Variants in GSAP observed in about 807,000 individuals in gnomAD.
GSAP encodes the protein gamma-secretase activating protein.
A neutral mutation model predicts 131.7 loss-of-function variants in GSAP; 118 were observed. The ratio of observed to expected loss-of-function variants is 0.90; its 90% CI spans 0.77 to 1.04. The LOEUF (loss-of-function observed/expected upper bound fraction) is 1.04, where lower values mean the gene tolerates loss of function less well. GSAP is among the 50% of genes least tolerant of loss of function. GSAP has a pLI of 0.00. For missense variants in GSAP, 1,019 were observed against 1,013.2 expected, an observed-to-expected ratio of 1.01 and a Z score of -0.08; for synonymous variants, 381 against 363.4, an observed-to-expected ratio of 1.05 and a Z score of -0.55.
chr7:77,356,824 G>A (rs1753926427), intron 14 of GSAP, among the ~76,000 whole-genome samples: 1 of 152,192 alleles, frequency 6.6e-6, no homozygotes, highest in Non-Finnish European at 1.5e-5. Flanking sequence ...AAGAAGTGAA[G>A]GAACACATGC....
intron 22 of GSAP, 68 bp downstream of exon 22, chr7:77,328,537 AG>A: frequency 6.4e-7 from 1 of 1,573,910 alleles, no homozygotes; most frequent in Non-Finnish European, 8.6e-7. Flanking sequence ...CCACAGTGGT[AG>A]GAAGAACAGT....
chr7:77,394,089 C>T (rs1353066897), intron 5 of GSAP, among the ~76,000 whole-genome samples: 1 of 152,196 alleles, frequency 6.6e-6, no homozygotes, highest in East Asian at 1.9e-4. Flanking sequence ...CCTTGCCCTG[C>T]CGCAGTCCAT....
intron 5 of GSAP, among the ~76,000 whole-genome samples, chr7:77,388,162 A>G (rs891567714): frequency 1.3e-5 from 2 of 152,248 alleles, no homozygotes; most frequent in Admixed American, 6.5e-5. Context: ...AAAGATCTCA[A>G]GGGAGAAATC....
At chr7:77,347,855 C>G (rs920711739) in intron 19 of GSAP, among the ~76,000 whole-genome samples, 2 of 151,742 alleles carry the variant, frequency 1.3e-5, no homozygotes, top group African/African-American at 2.4e-5. Context: ...GGTTTGTTGT[C>G]CATTAAAAAA....
intron 14 of GSAP, among the ~76,000 whole-genome samples, chr7:77,360,298 C>T (rs1481786946): frequency 1.3e-5 from 2 of 152,106 alleles, no homozygotes; most frequent in Non-Finnish European, 2.9e-5. Context: ...TACAACAAAC[C>T]CTTTCTTTAT....
chr7:77,311,798 A>C (rs1433766504), intron 30 of GSAP, 43 bp downstream of exon 30: 1 of 938,484 alleles, frequency 1.1e-6, no homozygotes, highest in Non-Finnish European at 1.8e-6. Flanking sequence ...CTGATGTGTC[A>C]AGGGAAAAGT....
chr7:77,405,403 A>C (rs536807310), intron 2 of GSAP, among the ~76,000 whole-genome samples: 1 of 152,370 alleles, frequency 6.6e-6, no homozygotes, highest in African/African-American at 2.4e-5. Flanking sequence ...TTAACATATT[A>C]ATTAGGTTTA....
chr7:77,342,164 T>C (rs1369286370), intron 19 of GSAP, among the ~76,000 whole-genome samples: 1 of 152,246 alleles, frequency 6.6e-6, no homozygotes, highest in African/African-American at 2.4e-5. Context: ...GCTTAGCGGC[T>C]GAAGACTGAC....
chr7:77,313,286 G>A (rs1794607377), intron 28 of GSAP, among the ~76,000 whole-genome samples: 3 of 149,682 alleles, frequency 2.0e-5, no homozygotes, highest in Admixed American at 6.6e-5. Flanking sequence ...GCAGTGCAGA[G>A]CCAGAGAGCA....
intron 2 of GSAP, 32 bp from the exon 3 acceptor site, chr7:77,404,647 G>C (rs1801934789): frequency 8.1e-7 from 1 of 1,236,252 alleles, no homozygotes; most frequent in African/African-American, 1.5e-5. Flanking sequence ...TTTATTAAAT[G>C]TCATTGTTTA....
In GSAP at chr7:77,382,591, A is replaced by G. The variant is rs1419654719; in HGVS notation, c.509T>C (p.Leu170Pro). 3 of 1,557,830 alleles carry G rather than the reference A, an allele frequency of 1.9e-6. No homozygotes were observed. The highest frequency in any genetic ancestry group is 2.7e-6 in the Non-Finnish European group (3 of 1,128,844). The change falls in exon 7 of 31, where the codon CTG (leucine) becomes CCG (proline). Residue 170 changes from leucine to proline, a missense_variant. Coordinates refer to ENST00000257626, the MANE Select transcript of GSAP (RefSeq NM_017439.4). ...ACACTTACATTTCTCTTCTGAAATC[A>G]GTAACAGATGGTTCTCTGGAAGAGG... is the stretch of plus-strand genomic sequence containing the variant. ...SHPLPENHLLLISEEKYIEQF... is the reference protein window; with the variant it reads ...SHPLPENHLLPISEEKYIEQF...
At chr7:77,371,616 T>C (rs1260139405) in intron 12 of GSAP, among the ~76,000 whole-genome samples, 2 of 152,104 alleles carry the variant, frequency 1.3e-5, no homozygotes, top group African/African-American at 2.4e-5. Flanking sequence ...TTTGTATTTT[T>C]ACTAGAGACG....
chr7:77,397,974 C>A (rs558537460), intron 3 of GSAP, among the ~76,000 whole-genome samples: 2 of 152,242 alleles, frequency 1.3e-5, no homozygotes, highest in East Asian at 3.9e-4. Context: ...GGAAGGTAGA[C>A]TTCTTTAATT....
At chr7:77,395,327 G>A (rs538205708) in intron 5 of GSAP, among the ~76,000 whole-genome samples, 154 of 152,216 alleles carry the variant, frequency 1.0e-3, no homozygotes, top group Non-Finnish European at 1.9e-3. Context: ...GAACACAGCA[G>A]CTAGGCCTTT....
At chr7:77,383,118 T>C (rs1798031688) in intron 6 of GSAP, among the ~76,000 whole-genome samples, 1 of 151,816 alleles carries the variant, frequency 6.6e-6, no homozygotes, top group African/African-American at 2.4e-5. Context: ...ACCCAGGAGG[T>C]TGAAGTTGGA....
At chr7:77,415,024 A>T (rs753777449) in intron 1 of GSAP, among the ~76,000 whole-genome samples, 1 of 151,942 alleles carries the variant, frequency 6.6e-6, no homozygotes, top group Non-Finnish European at 1.5e-5. Context: ...CGCCCAGCTA[A>T]TTTTTGTATA....
chr7:77,378,528 AAC>A (rs1491401094), intron 8 of GSAP, among the ~76,000 whole-genome samples: 112 of 142,660 alleles, frequency 7.9e-4, no homozygotes, highest in African/African-American at 2.9e-3. Context: ...AACAAAAAAA[AAC>A]AAAGGCAGAA....
At chr7:77,405,970 A>G (rs1802194233) in intron 2 of GSAP, 59 bp downstream of exon 2, 14 of 627,406 alleles carry the variant, frequency 2.2e-5, no homozygotes, top group Non-Finnish European at 3.3e-5. Flanking sequence ...AAGAGAATAT[A>G]AATGATTAAA....
chr7:77,376,748 C>CGTGTGCGA, intron 10 of GSAP, 100 bp downstream of exon 10: 3 of 621,990 alleles, frequency 4.8e-6, no homozygotes, highest in Non-Finnish European at 8.3e-6. Flanking sequence ...CTGCACCCAG[C>CGTGTGCGA]GTGTGCGACA....
Sources: allele counts gnomAD v4.1 joint callset (sites outside exome capture counted in the v4.1 genomes callset), GRCh38; gene constraint gnomAD v4.1.1; transcripts MANE v1.5; gene names NCBI Gene and HGNC (gene_info 2026-07-23, HGNC 2026-07-21).